The following DNAJC5B variants were observed in gnomAD, a reference collection of about 807,000 sequenced individuals.
DNAJC5B encodes DnaJ heat shock protein family (Hsp40) member C5 beta.
DNAJC5B carries 23 observed loss-of-function variants against 24.7 expected under a neutral mutation model. That is an observed-to-expected ratio of 0.93 (90% CI 0.67 to 1.32). DNAJC5B has a LOEUF of 1.32. Ranked by LOEUF, DNAJC5B falls within the 40% of genes most tolerant of loss-of-function variation. The probability of loss-of-function intolerance (pLI) is 0.00; values close to 1 mark genes in which losing one functional copy is unlikely to be tolerated. For missense variants in DNAJC5B, 238 were observed against 240.8 expected, an observed-to-expected ratio of 0.99 and a Z score of 0.08; for synonymous variants, 101 against 90.1, an observed-to-expected ratio of 1.12 and a Z score of -0.68.
At chr8:66,016,387 G>A in the DNAJC5B span, among the ~76,000 whole-genome samples, 1 of 152,132 alleles carries the variant, frequency 6.6e-6, no homozygotes, top group Non-Finnish European at 1.5e-5. Context: ...AGATCTGATG[G>A]TTTTATAAGC....
chr8:66,048,027 T>C (rs1447519401), intron 2 of DNAJC5B, among the ~76,000 whole-genome samples: 1 of 152,172 alleles, frequency 6.6e-6, no homozygotes, highest in African/African-American at 2.4e-5. Flanking sequence ...CACCATTATC[T>C]CCATTAGCAT....
In DNAJC5B at chr8:66,085,628, C is replaced by T. The variant is rs577088065; in HGVS notation, c.505+5080C>T. Among the ~76,000 whole-genome samples, 4 of 151,994 alleles carry T rather than the reference C, an allele frequency of 2.6e-5. No homozygotes were observed. The South Asian group carries it at 8.3e-4, about 32-fold the overall frequency. On this transcript the variant is annotated intron_variant, in intron 5 of 5. Transcript: ENST00000276570. ...ATATTTCTATGAACCTATTCCTATA[C>T]TCTCTAGTCTGTCCCATTGATCTAT...
At chr8:66,034,217 G>A (rs1309741394) in intron 1 of DNAJC5B, among the ~76,000 whole-genome samples, 2 of 105,712 alleles carry the variant, frequency 1.9e-5, no homozygotes, top group Middle Eastern at 6.0e-3. Context: ...TGATGTAAGT[G>A]GGAATGTCTT....
chr8:66,050,538 T>C (rs1806823299), intron 2 of DNAJC5B, among the ~76,000 whole-genome samples: 1 of 152,196 alleles, frequency 6.6e-6, no homozygotes, highest in African/African-American at 2.4e-5. Context: ...TTCTATATTT[T>C]TAAAATCCTA....
intron 3 of DNAJC5B, among the ~76,000 whole-genome samples, chr8:66,068,359 T>C (rs911145108): frequency 6.6e-6 from 1 of 151,988 alleles, no homozygotes; most frequent in Non-Finnish European, 1.5e-5. Flanking sequence ...GAAAGGGATA[T>C]TTCAGATTTG....
intron 2 of DNAJC5B, among the ~76,000 whole-genome samples, chr8:66,048,833 C>T (rs996784322): frequency 6.6e-6 from 1 of 152,120 alleles, no homozygotes; most frequent in Non-Finnish European, 1.5e-5. Context: ...CGAGGCCATC[C>T]CCTCCCACTC....
upstream of DNAJC5B, among the ~76,000 whole-genome samples, chr8:66,020,316 G>A (rs184392840): frequency 2.6e-5 from 4 of 152,342 alleles, no homozygotes; most frequent in African/African-American, 7.2e-5. Flanking sequence ...AAAATAGCTT[G>A]TAAATGAAGC....
rs11449089 is a variant in DNAJC5B, at chr8:66,043,821, CTT to C, written c.-18+227_-18+228del. Among the ~76,000 whole-genome samples the C allele has an allele frequency of 4.3e-4, 56 of 130,606 alleles. 1 individual carries two copies. The highest frequency in any genetic ancestry group is 1.3e-3 in the African/African-American group (44 of 33,138). The allele number at this position is 130,606 out of a possible 152,430, so 85.7% of individuals were successfully genotyped here. ...TAAGGATTAGTGCAATGAAAAGAAC[CTT>C]TTTTTTTTTTTTTTTTCCTTTGAGA... On this transcript the variant is annotated intron_variant, in intron 2 of 5. Transcript: ENST00000276570.
upstream of DNAJC5B, among the ~76,000 whole-genome samples, chr8:66,018,056 G>A (rs746554687): frequency 1.3e-5 from 2 of 152,062 alleles, no homozygotes; most frequent in African/African-American, 2.4e-5. Flanking sequence ...TACTACTATC[G>A]AGAGCACTCA....
chr8:66,062,695 C>G (rs1012114287), intron 3 of DNAJC5B, among the ~76,000 whole-genome samples: 12 of 152,152 alleles, frequency 7.9e-5, no homozygotes, highest in Admixed American at 7.9e-4. Context: ...GCTGTGGTGG[C>G]TGTTGCCTGT....
intron 5 of DNAJC5B, among the ~76,000 whole-genome samples, chr8:66,096,931 G>A (rs1807966363): frequency 6.6e-6 from 1 of 152,096 alleles, no homozygotes; most frequent in South Asian, 2.1e-4. Flanking sequence ...AGACCTCTGA[G>A]AAACACTGCC....
chr8:66,039,578 G>C (rs148336553), intron 1 of DNAJC5B, among the ~76,000 whole-genome samples: 1 of 151,986 alleles, frequency 6.6e-6, no homozygotes, highest in Admixed American at 6.5e-5. Context: ...TCGAGCTCCC[G>C]ACCTCAGGTG....
At chr8:66,083,065 G>A (rs1210346287) in intron 5 of DNAJC5B, among the ~76,000 whole-genome samples, 5 of 134,274 alleles carry the variant, frequency 3.7e-5, no homozygotes, top group African/African-American at 1.5e-4. Context: ...AGGCTGGAGT[G>A]CAGTGGCACG....
intron 2 of DNAJC5B, among the ~76,000 whole-genome samples, chr8:66,050,445 ACT>A (rs995851952): frequency 4.1e-4 from 62 of 152,152 alleles, no homozygotes; most frequent in African/African-American, 1.4e-3. Flanking sequence ...TGAGGCTCTC[ACT>A]CTCTTTCACC....
In DNAJC5B at chr8:66,085,577, A is replaced by AATAT. The variant is rs112577538; in HGVS notation, c.505+5042_505+5045dup. 8.2e-3 allele frequency among the ~76,000 whole-genome samples: 1,232 copies of AATAT among 150,662 alleles called. 18 individuals are homozygous for AATAT. The highest frequency in any genetic ancestry group is 0.028 in the African/African-American group (1,162 of 41,176). On this transcript the variant is annotated intron_variant, in intron 5 of 5. Transcript: ENST00000276570. ...GACAGAGCGAGACTCCATCTCAAAA[A>AATAT]ATATATATATATATATCAATTGGCC...
upstream of DNAJC5B, among the ~76,000 whole-genome samples, chr8:66,019,193 T>C (rs903300630): frequency 9.2e-5 from 14 of 152,342 alleles, no homozygotes; most frequent in Non-Finnish European, 1.9e-4. Flanking sequence ...GAAGACTGCT[T>C]TGAGCAAAGA....
In DNAJC5B at chr8:66,036,692, T is replaced by A. The variant is rs1046304494; in HGVS notation, c.-141-6796T>A. 2.6e-5 allele frequency among the ~76,000 whole-genome samples: 4 copies of A among 152,220 alleles called. No homozygotes were observed. The East Asian group carries it at 5.8e-4, about 22-fold the overall frequency. Reference sequence around the variant, plus strand: ...TTATGAACACCAGAGGGCACCACAGTCATACTGAATGGTGGGTCGGCCTTG... The same window carrying A: ...TTATGAACACCAGAGGGCACCACAGACATACTGAATGGTGGGTCGGCCTTG... On this transcript the variant is annotated intron_variant, in intron 1 of 5. Coordinates refer to ENST00000276570, the MANE Select transcript of DNAJC5B (RefSeq NM_033105.6).
intron 1 of DNAJC5B, among the ~76,000 whole-genome samples, chr8:66,034,432 G>A (rs1186154845): frequency 6.6e-6 from 1 of 151,934 alleles, no homozygotes; most frequent in African/African-American, 2.4e-5. Flanking sequence ...TATTGACAAG[G>A]CAGCAGTTAC....
chr8:66,015,928 T>G, the DNAJC5B span, among the ~76,000 whole-genome samples: 1 of 152,196 alleles, frequency 6.6e-6, no homozygotes, highest in Admixed American at 6.5e-5. Context: ...AACTGCCCTG[T>G]GCTGAGGGCA....
Sources: gnomAD v4.1 joint callset for allele counts (sites outside exome capture counted in the v4.1 genomes callset) on GRCh38, gnomAD v4.1.1 for gene constraint, MANE v1.5 for transcripts, NCBI Gene and HGNC (gene_info 2026-07-23, HGNC 2026-07-21) for gene names.